Variants in ADAMTS12 observed in about 807,000 individuals in gnomAD.
ADAMTS12 encodes A disintegrin and metalloproteinase with thrombospondin motifs 12.
ADAMTS12 carries 118 observed loss-of-function variants against 167.8 expected under a neutral mutation model. That is an observed-to-expected ratio of 0.70 (90% CI 0.61 to 0.82). ADAMTS12 has a LOEUF of 0.82. Among genes scored for constraint, ADAMTS12 ranks in the 40% least tolerant of loss-of-function variants. ADAMTS12 has a pLI of 0.00. For missense variants in ADAMTS12, 1,916 were observed against 1,998.8 expected (o/e 0.96, Z 0.79); for synonymous variants, 704 against 716.9 (o/e 0.98, Z 0.29).
At chr5:33,689,605 T>G (rs1742478579) in intron 3 of ADAMTS12, among the ~76,000 whole-genome samples, 1 of 152,070 alleles carries the variant, frequency 6.6e-6, no homozygotes, top group African/African-American at 2.4e-5. Flanking sequence ...CAAGTGCTAC[T>G]CAGGGAAGAT....
chr5:33,571,289 A>G (rs1348014516), intron 19 of ADAMTS12, among the ~76,000 whole-genome samples: 2 of 152,312 alleles, frequency 1.3e-5, no homozygotes, highest in East Asian at 1.9e-4. Context: ...TCAACAGAAT[A>G]TACATTTTTT....
chr5:33,817,880 A>T (rs970331386), intron 2 of ADAMTS12, among the ~76,000 whole-genome samples: 1 of 152,130 alleles, frequency 6.6e-6, no homozygotes, highest in African/African-American at 2.4e-5. Flanking sequence ...ATATCATGTA[A>T]ATCTTTCCAT....
chr5:33,879,283 G>A (rs1417845307), intron 2 of ADAMTS12, among the ~76,000 whole-genome samples: 2 of 151,810 alleles, frequency 1.3e-5, no homozygotes, highest in African/African-American at 4.8e-5. Flanking sequence ...TTTGTAATGA[G>A]CTCCCCATTC....
chr5:33,827,728 TAGATAGATAGATAGATAGA>T (rs1397612958), intron 2 of ADAMTS12, among the ~76,000 whole-genome samples: 1 of 149,982 alleles, frequency 6.7e-6, no homozygotes, highest in African/African-American at 2.5e-5. Context: ...GATAGATAGA[TAGATAGATAGATAGATAGA>T]TAGATAGATA....
intron 2 of ADAMTS12, among the ~76,000 whole-genome samples, chr5:33,824,324 C>T (rs578075727): frequency 1.1e-3 from 162 of 152,248 alleles, no homozygotes; most frequent in South Asian, 2.3e-3. Flanking sequence ...GGGGGACTTA[C>T]GGGTTTGCAG....
chr5:33,848,533 T>A (rs960249968), intron 2 of ADAMTS12, among the ~76,000 whole-genome samples: 2 of 152,240 alleles, frequency 1.3e-5, no homozygotes, highest in African/African-American at 4.8e-5. Flanking sequence ...GAGAAATGTT[T>A]CTCTCCAATC....
In ADAMTS12 at chr5:33,527,216, C is replaced by A; in HGVS notation, c.4757G>T (p.Arg1586Leu). The A allele has an allele frequency of 2.5e-6, 4 of 1,614,102 alleles. No individual in the cohort carries two copies. Among genetic ancestry groups the A allele is most frequent in the Non-Finnish European group, 3.4e-6 (4 of 1,180,026 alleles). The change falls in exon 24 of 24, where the codon CGG becomes CTG. Residue 1586 changes from arginine to leucine, a missense_variant. By Grantham distance (102) the Arg-to-Leu change is moderately radical. Transcript: ENST00000504830. ...GAGTTCTTTTGACTTTTGGAGCAAC[C>A]GTTGCCTTCTTTGCCTTTGGGTGTG... is the stretch of plus-strand genomic sequence containing the variant. ...ITHTQRQRRQ[R>L]LLQKSKEL is the part of the protein sequence containing the mutation.
intron 20 of ADAMTS12, among the ~76,000 whole-genome samples, chr5:33,558,520 GA>G (rs1745586618): frequency 6.6e-6 from 1 of 152,034 alleles, no homozygotes; most frequent in Non-Finnish European, 1.5e-5. Context: ...GAGAGAGAGA[GA>G]GGGGCATGAG....
At chr5:33,751,885 G>T (rs938963143) in intron 2 of ADAMTS12, among the ~76,000 whole-genome samples, 1 of 152,192 alleles carries the variant, frequency 6.6e-6, no homozygotes, top group Non-Finnish European at 1.5e-5. Flanking sequence ...CCCAAATGAA[G>T]ACCCAGTGCT....
intron 2 of ADAMTS12, among the ~76,000 whole-genome samples, chr5:33,826,055 TAGG>T (rs1748056258): frequency 6.6e-6 from 1 of 152,164 alleles, no homozygotes; most frequent in Admixed American, 6.6e-5. Context: ...GAACTGCAGT[TAGG>T]AGGTGTTAAA....
intron 22 of ADAMTS12, among the ~76,000 whole-genome samples, chr5:33,540,624 C>T (rs963004355): frequency 1.3e-5 from 2 of 152,216 alleles, no homozygotes; most frequent in Non-Finnish European, 2.9e-5. Context: ...AAGGATCAGG[C>T]AGCAATATTT....
chr5:33,598,023 C>A (rs1023416468), intron 16 of ADAMTS12, among the ~76,000 whole-genome samples: 1 of 152,158 alleles, frequency 6.6e-6, no homozygotes, highest in Non-Finnish European at 1.5e-5. Context: ...CAAAACCTTA[C>A]ATAAAATCCC....
chr5:33,643,215 A>C (rs567872084), intron 10 of ADAMTS12, among the ~76,000 whole-genome samples, 163 bp downstream of exon 10: 6 of 152,304 alleles, frequency 3.9e-5, no homozygotes, highest in African/African-American at 1.4e-4. Context: ...CAGGTTCACC[A>C]GGAGTGGTGG....
At chr5:33,782,947 T>C (rs1361584237) in intron 2 of ADAMTS12, among the ~76,000 whole-genome samples, 2 of 151,986 alleles carry the variant, frequency 1.3e-5, no homozygotes, top group Non-Finnish European at 2.9e-5. Flanking sequence ...ACACAGAACA[T>C]TTCCCTCATA....
chr5:33,646,350 C>CTTTTATTA (rs1740663089), intron 9 of ADAMTS12, among the ~76,000 whole-genome samples: 1 of 152,056 alleles, frequency 6.6e-6, no homozygotes, highest in Non-Finnish European at 1.5e-5. Context: ...CTTAGGTCTT[C>CTTTTATTA]GATTTATTAG....
chr5:33,680,929 T>C (rs1447768354), intron 5 of ADAMTS12, among the ~76,000 whole-genome samples: 2 of 152,172 alleles, frequency 1.3e-5, no homozygotes, highest in African/African-American at 2.4e-5. Context: ...ACATAAATCA[T>C]TTTCACCTCT....
Position 33,675,781 on chromosome 5 carries a change from G to T in ADAMTS12, c.915+7237C>A, listed in dbSNP as rs188657550. Among the ~76,000 whole-genome samples, 142 of 152,264 alleles carry T rather than the reference G, an allele frequency of 9.3e-4. 1 individual carries two copies. The highest frequency in any genetic ancestry group is 3.4e-3 in the Middle Eastern group (1 of 294). ...ATCTCCAAGTCTCAGAAGGGGTTAA[G>T]TCCAAGAAACACTCATTTAATTTAT... On this transcript the variant is annotated intron_variant, in intron 5 of 23. Transcript: ENST00000504830.
At chr5:33,591,223 GA>G (rs1747622299) in intron 17 of ADAMTS12, among the ~76,000 whole-genome samples, 1 of 152,028 alleles carries the variant, frequency 6.6e-6, no homozygotes, top group African/African-American at 2.4e-5. Context: ...GGATGGGTTA[GA>G]GACCCTTTGA....
rs142150370 is a variant in ADAMTS12 at position 33,703,167 on chromosome 5, G to T, written c.635-19112C>A. Among the ~76,000 whole-genome samples, 762 of 152,334 alleles carry T rather than the reference G, an allele frequency of 5.0e-3. 3 individuals are homozygous for T. Among genetic ancestry groups the T allele is most frequent in the African/African-American group, 0.017 (721 of 41,570 alleles). Reference sequence around the variant, plus strand: ...TCTGGTGATGATTAAGATCTGAAGAGTTATAGTCTTTCTAATACAATACCA... The same window carrying T: ...TCTGGTGATGATTAAGATCTGAAGATTTATAGTCTTTCTAATACAATACCA... On this transcript the variant is annotated intron_variant, in intron 3 of 23. Transcript: ENST00000504830.
Sources: gnomAD v4.1 joint callset for allele counts (sites outside exome capture counted in the v4.1 genomes callset) on GRCh38, gnomAD v4.1.1 for gene constraint, MANE v1.5 for transcripts, NCBI Gene and HGNC (gene_info 2026-07-23, HGNC 2026-07-21) for gene names.